PRPF18: variants seen among roughly 807,000 people sequenced by gnomAD.
PRPF18 encodes the protein pre-mRNA processing factor 18, also known as pre-mRNA-splicing factor 18.
PRPF18 carries 38 observed loss-of-function variants against 46.5 expected under a neutral mutation model. That is an observed-to-expected ratio of 0.82 (90% CI 0.63 to 1.07). PRPF18 has a LOEUF of 1.07. PRPF18 is among the 50% of genes least tolerant of loss of function. The probability of loss-of-function intolerance (pLI) is 0.00; values close to 1 mark genes in which losing one functional copy is unlikely to be tolerated. For missense variants in PRPF18, 263 were observed against 410.0 expected, an observed-to-expected ratio of 0.64 and a Z score of 3.10; for synonymous variants, 152 against 146.7, an observed-to-expected ratio of 1.04 and a Z score of -0.26.
chr10:13,629,526 A>G (rs1479687415), intron 9 of PRPF18, among the ~76,000 whole-genome samples: 1 of 152,242 alleles, frequency 6.6e-6, no homozygotes, highest in Admixed American at 6.5e-5. Flanking sequence ...AGAAGTAACC[A>G]TTACCTTGCA....
At chr10:13,598,604 T>C (rs1042353812) in intron 2 of PRPF18, among the ~76,000 whole-genome samples, 1 of 152,250 alleles carries the variant, frequency 6.6e-6, no homozygotes, top group Non-Finnish European at 1.5e-5. Flanking sequence ...ATATTTCTGA[T>C]GTTTTTAAAA....
At chr10:13,596,454 TTGTC>T (rs1564450744) in intron 1 of PRPF18, among the ~76,000 whole-genome samples, 1 of 152,186 alleles carries the variant, frequency 6.6e-6, no homozygotes, top group African/African-American at 2.4e-5. Context: ...TTGATGATCA[TTGTC>T]TGAGTGAATG....
intron 9 of PRPF18, among the ~76,000 whole-genome samples, chr10:13,628,896 T>A (rs781658684): frequency 6.6e-6 from 1 of 152,206 alleles, no homozygotes. Context: ...GTGGTGTGTC[T>A]CAGGTCTCTG....
chr10:13,591,980 A>C (rs1346568983), intron 1 of PRPF18: 1 of 951,614 alleles, frequency 1.1e-6, no homozygotes, highest in African/African-American at 1.7e-5. Context: ...CATCTTCAGT[A>C]GGAAAATATC....
At chr10:13,603,294 A>AGGTGGT (rs954409309) in intron 3 of PRPF18, among the ~76,000 whole-genome samples, 6 of 142,144 alleles carry the variant, frequency 4.2e-5, no homozygotes, top group East Asian at 4.5e-4. Context: ...TTTTTGGGGG[A>AGGTGGT]GGTGGTGGTG....
intron 2 of PRPF18, among the ~76,000 whole-genome samples, chr10:13,599,208 G>A (rs2080073264): frequency 1.3e-5 from 2 of 152,072 alleles, no homozygotes; most frequent in Admixed American, 1.3e-4. Flanking sequence ...AAATGAGTTA[G>A]CATTTTTTAA....
chr10:13,640,614 CCTAT>C, the PRPF18 span: 1 of 30,820 alleles, frequency 3.2e-5, no homozygotes, highest in Admixed American at 4.1e-4. Flanking sequence ...CTCCTCAAGA[CCTAT>C]GTCCAATCAG....
intron 2 of PRPF18, among the ~76,000 whole-genome samples, chr10:13,598,776 A>G (rs1369691467): frequency 4.6e-5 from 7 of 152,212 alleles, no homozygotes; most frequent in Admixed American, 4.6e-4. Context: ...TCTAACACAC[A>G]CTTGGTCTGG....
intron 1 of PRPF18, among the ~76,000 whole-genome samples, chr10:13,593,047 C>A (rs2079987439): frequency 6.6e-6 from 1 of 152,116 alleles, no homozygotes. Flanking sequence ...TGATGCTGAA[C>A]AACTGGATAT....
chr10:13,637,935 T>C, the PRPF18 span: 2 of 152,232 alleles, frequency 1.3e-5, no homozygotes, highest in Non-Finnish European at 2.9e-5. Context: ...GCCATAAATG[T>C]GTGGTGTAGA....
chr10:13,654,682 G>C, the PRPF18 span: 1 of 600,510 alleles, frequency 1.7e-6, no homozygotes, highest in Non-Finnish European at 3.0e-6. Context: ...CATGGTCACA[G>C]TGGGCAACCA....
intron 1 of PRPF18, among the ~76,000 whole-genome samples, chr10:13,595,424 A>G (rs1478082092): frequency 1.3e-5 from 2 of 152,200 alleles, no homozygotes; most frequent in Non-Finnish European, 2.9e-5. Context: ...TTCTGAGAGG[A>G]TACCAATGTG....
downstream of PRPF18, chr10:13,631,724 A>G (rs2080591435): frequency 6.6e-6 from 1 of 152,232 alleles, no homozygotes; most frequent in Non-Finnish European, 1.5e-5. Context: ...AACGTTGATT[A>G]AGCATTTACT....
chr10:13,622,317 GA>G, intron 9 of PRPF18, among the ~76,000 whole-genome samples: 1 of 152,330 alleles, frequency 6.6e-6, no homozygotes, highest in South Asian at 2.1e-4. Flanking sequence ...GCGTGTTTTG[GA>G]AACAGATTTG....
chr10:13,654,571 G>C, the PRPF18 span: 1,102 of 1,076,196 alleles, frequency 1.0e-3, 24 homozygotes, highest in South Asian at 0.013. Flanking sequence ...ACAGGTGAAA[G>C]AGCTTGCGAC....
chr10:13,595,668 C>T (rs2080024728), intron 1 of PRPF18, among the ~76,000 whole-genome samples: 1 of 152,128 alleles, frequency 6.6e-6, no homozygotes, highest in Non-Finnish European at 1.5e-5. Flanking sequence ...ATACTATTTG[C>T]CCCCACCGTA....
At chr10:13,629,906 C>A (rs2080570451) in intron 9 of PRPF18, among the ~76,000 whole-genome samples, 1 of 152,204 alleles carries the variant, frequency 6.6e-6, no homozygotes. Context: ...CTATTGGAAC[C>A]TGGTTGAGAC....
chr10:13,618,067 C>A (rs2080370976), intron 9 of PRPF18, among the ~76,000 whole-genome samples: 2 of 152,094 alleles, frequency 1.3e-5, no homozygotes, highest in African/African-American at 4.8e-5. Flanking sequence ...GTCTTAGGGA[C>A]CTCAGTGCTG....
intron 9 of PRPF18, among the ~76,000 whole-genome samples, chr10:13,620,320 G>A (rs2080404382): frequency 6.6e-6 from 1 of 152,222 alleles, no homozygotes; most frequent in South Asian, 2.1e-4. Context: ...CTGCCCCGTA[G>A]TAAATGTATG....
Sources: allele counts gnomAD v4.1 joint callset (sites outside exome capture counted in the v4.1 genomes callset), GRCh38; gene constraint gnomAD v4.1.1; transcripts MANE v1.5; gene names NCBI Gene and HGNC (gene_info 2026-07-23, HGNC 2026-07-21).